The following AP2A2 variants were observed in gnomAD, a reference collection of about 807,000 sequenced individuals.
The protein encoded by AP2A2 is AP-2 complex subunit alpha-2.
In AP2A2, 32 loss-of-function variants were observed where a neutral mutation model predicts 104.2. The observed-to-expected ratio is 0.31, with a 90% CI of 0.23 to 0.41. The LOEUF is 0.41. AP2A2 is among the 10% of genes least tolerant of loss of function. The probability of loss-of-function intolerance (pLI) is 1.00; values close to 1 mark genes in which losing one functional copy is unlikely to be tolerated. For missense variants in AP2A2, 912 were observed against 1,261.0 expected (o/e 0.72, Z 4.19); for synonymous variants, 539 against 533.3 (o/e 1.01, Z -0.15).
At chr11:994,461 C>CGCT (rs1855775190) in intron 14 of AP2A2, among the ~76,000 whole-genome samples, 1 of 149,094 alleles carries the variant, frequency 6.7e-6, no homozygotes, top group Non-Finnish European at 1.5e-5. Context: ...CTGGACGCCA[C>CGCT]GCTGTCCTGT....
Position 1,012,012 on chromosome 11 carries a change from G to A in AP2A2, c.*1387G>A, listed in dbSNP as rs574226805. 32 of 157,108 alleles carry A rather than the reference G, an allele frequency of 2.0e-4. No individual in the cohort carries two copies. The highest frequency in any genetic ancestry group is 3.1e-4 in the Non-Finnish European group (22 of 71,614). 9.7% of individuals were successfully genotyped at this position (157,108 alleles called of 1,614,324 possible). A position where few individuals can be genotyped will look rare whatever the true frequency, so the allele number is the denominator to read the frequency against. On this transcript the variant is annotated 3_prime_UTR_variant, in exon 22 of 22. Coordinates refer to ENST00000448903, the MANE Select transcript of AP2A2 (RefSeq NM_012305.4). ...TGACACGCCGTGCTGGGCTTGTGCTGCAGCTGGGTGGTGTGGCCCTCATTC... is the reference window on the plus strand; with the variant it reads ...TGACACGCCGTGCTGGGCTTGTGCTACAGCTGGGTGGTGTGGCCCTCATTC...
At chr11:945,930 AG>A (rs567630015) in intron 1 of AP2A2, among the ~76,000 whole-genome samples, 8 of 152,158 alleles carry the variant, frequency 5.3e-5, no homozygotes, top group Non-Finnish European at 1.0e-4. Context: ...TGGAGTGGAA[AG>A]GTAGGAGTGA....
In AP2A2 at chr11:1,006,032, C is replaced by T. The variant is rs571074307; in HGVS notation, c.2207-496C>T. Among the ~76,000 whole-genome samples the T allele has an allele frequency of 8.5e-5, 13 of 152,354 alleles. 1 individual carries two copies. In the South Asian group the frequency reaches 1.4e-3, roughly 17 times the overall value. On this transcript the variant is annotated intron_variant, in intron 16 of 21. Transcript: ENST00000448903. ...TGCAGTGAGGGCTAGTGTGCAACACCGATGCTGTGCTGGACGCGTGCCCAG... is the reference window on the plus strand; with the variant it reads ...TGCAGTGAGGGCTAGTGTGCAACACTGATGCTGTGCTGGACGCGTGCCCAG...
chr11:959,411 A>G (rs1375216415), intron 1 of AP2A2, 26 bp from the exon 2 acceptor site: 2 of 1,438,338 alleles, frequency 1.4e-6, no homozygotes, highest in Non-Finnish European at 1.9e-6. Context: ...ATTAAAATAA[A>G]AATGGCTTTT....
In AP2A2 at chr11:972,188, G is replaced by T. The variant is rs763389818; in HGVS notation, c.406G>T (p.Ala136Ser). The part of the protein sequence containing the change: ...TFMGLALHCI[A>S]SVGSREMAEA... Reference sequence around the variant, plus strand: ...CATGGGCCTGGCCCTGCACTGCATCGCCAGCGTGGGCAGCCGGGAGATGGC... The same window carrying T: ...CATGGGCCTGGCCCTGCACTGCATCTCCAGCGTGGGCAGCCGGGAGATGGC... The change falls in exon 4 of 22, where the codon GCC (alanine) becomes TCC (serine). Residue 136 changes from alanine to serine, a missense_variant. Ala to Ser is a moderately conservative substitution (Grantham distance 99, BLOSUM62 1). This residue lies in a region of AP2A2 where 350 missense variants were observed against 487.0 expected (regional missense o/e 0.72). Transcript: ENST00000448903. 222 of 1,612,148 alleles carry T rather than the reference G, an allele frequency of 1.4e-4. No homozygotes were observed. Among genetic ancestry groups the T allele is most frequent in the Non-Finnish European group, 1.8e-4 (213 of 1,179,596 alleles).
rs1296946845 is a variant in AP2A2 at position 1,000,551 on chromosome 11, C to T, written c.2076C>T (p.Ala692=). Residue 692 remains alanine (A), a synonymous_variant, in exon 15 of 22, where the codon GCC becomes GCT. Coordinates refer to ENST00000448903, the MANE Select transcript of AP2A2 (RefSeq NM_012305.4). ...TCGTGGACGTGTTCTCAGACTCGGC[C>T]TCTGTGGTCGCGCCTCTCGCTCCTG... The part of the protein sequence containing the change: ...GLLVDVFSDS[A]SVVAPLAPGS... 6 of 1,550,524 alleles carry T rather than the reference C, an allele frequency of 3.9e-6. No homozygotes were observed. The highest frequency in any genetic ancestry group is 5.2e-6 in the Non-Finnish European group (6 of 1,153,400).
rs570552598 is a variant in AP2A2, at chr11:1,003,560, G to GT, written c.2124-159dup. 24 of 511,454 alleles carry GT rather than the reference G, an allele frequency of 4.7e-5. No individual in the cohort carries two copies. In the Admixed American group the frequency reaches 5.4e-4, roughly 12 times the overall value. The allele number at this position is 511,454 out of a possible 1,614,324, so 31.7% of individuals were successfully genotyped here. ...TGCTCACCGTCCTCCTCCAGTGGCTGTTTGTCAGGATAGTCCTTGGAATAG... is the reference window on the plus strand; with the variant it reads ...TGCTCACCGTCCTCCTCCAGTGGCTGTTTTGTCAGGATAGTCCTTGGAATAG... On this transcript the variant is annotated intron_variant, in intron 15 of 21. Coordinates refer to ENST00000448903, the MANE Select transcript of AP2A2 (RefSeq NM_012305.4).
intron 18 of AP2A2, chr11:1,008,507 C>G (rs537205368): frequency 9.4e-6 from 2 of 212,682 alleles, no homozygotes; most frequent in African/African-American, 2.3e-5. Context: ...GCCCCCTGGC[C>G]TGGGGGGCGC....
chr11:946,338 G>A (rs1853831579), intron 1 of AP2A2: 2 of 152,216 alleles, frequency 1.3e-5, no homozygotes. Context: ...AGCAAGTCCC[G>A]GCTGCAGAGC....
chr11:970,089 C>T (rs1854765816), intron 2 of AP2A2, 80 bp from the exon 3 acceptor site: 2 of 1,509,400 alleles, frequency 1.3e-6, no homozygotes, highest in Middle Eastern at 1.7e-4. Context: ...GCCTGCTGTA[C>T]TGCTGCACTG....
intron 1 of AP2A2, 89 bp from the exon 2 acceptor site, chr11:959,348 C>G: frequency 4.4e-6 from 4 of 899,106 alleles, no homozygotes; most frequent in Non-Finnish European, 3.5e-6. Flanking sequence ...TCATCCCATT[C>G]GTGAGTTCTG....
intron 2 of AP2A2, 88 bp from the exon 3 acceptor site, chr11:970,081 C>T (rs1420424956): frequency 1.4e-6 from 2 of 1,460,022 alleles, no homozygotes; most frequent in South Asian, 2.5e-5. Flanking sequence ...TCCGTGCTGC[C>T]TGCTGTACTG....
At chr11:1,002,279 G>A (rs572333648) in intron 15 of AP2A2, among the ~76,000 whole-genome samples, 5 of 152,340 alleles carry the variant, frequency 3.3e-5, no homozygotes, top group Admixed American at 6.5e-5. Flanking sequence ...GCAGCGACCC[G>A]GGGGTGCGGT....
intron 1 of AP2A2, among the ~76,000 whole-genome samples, chr11:940,177 C>T (rs1853599405): frequency 1.3e-5 from 2 of 151,970 alleles, no homozygotes; most frequent in South Asian, 4.1e-4. Flanking sequence ...TGGTCTTGAA[C>T]TCCTGACCTT....
intron 4 of AP2A2, 61 bp from the exon 5 acceptor site, chr11:977,034 T>C: frequency 1.9e-6 from 3 of 1,603,878 alleles, no homozygotes; most frequent in South Asian, 1.1e-5. Context: ...GGGGGGGTGC[T>C]CCGTGCAGCT....
intron 1 of AP2A2, among the ~76,000 whole-genome samples, chr11:932,020 C>T (rs570412051): frequency 6.6e-5 from 10 of 151,606 alleles, no homozygotes; most frequent in African/African-American, 2.2e-4. Flanking sequence ...AGGATGATCT[C>T]GATCTCCTGA....
intron 1 of AP2A2, among the ~76,000 whole-genome samples, chr11:941,927 T>A (rs990908921): frequency 2.7e-5 from 4 of 150,696 alleles, no homozygotes; most frequent in Non-Finnish European, 4.4e-5. Context: ...ACCTTTTATT[T>A]TTTATCTATT....
chr11:963,687 A>G (rs1287697275), intron 2 of AP2A2, among the ~76,000 whole-genome samples: 5 of 152,188 alleles, frequency 3.3e-5, no homozygotes, highest in Non-Finnish European at 7.3e-5. Flanking sequence ...GCCCAGTGCA[A>G]TCACAGCTCA....
At position 988,452 on chromosome 11, in the gene AP2A2, C is replaced by CA. The variant is rs938470698; in HGVS notation, c.1132-99dup. 4 of 1,447,298 alleles carry CA rather than the reference C, an allele frequency of 2.8e-6. 1 individual carries two copies. In the Admixed American group the frequency reaches 5.3e-5, roughly 19 times the overall value. 89.7% of individuals were successfully genotyped at this position (1,447,298 alleles called of 1,614,324 possible). A position where few individuals can be genotyped will look rare whatever the true frequency, so the allele number is the denominator to read the frequency against. ...CCTGGATGTGCATGTGAGGGAAACT[C>CA]AGAGTGGGTGTTGAGATGCGGGTGC... is the stretch of plus-strand genomic sequence containing the variant. On this transcript the variant is annotated intron_variant, in intron 9 of 21. Coordinates refer to ENST00000448903, the MANE Select transcript of AP2A2 (RefSeq NM_012305.4).
Sources: gnomAD v4.1 joint callset for allele counts (sites outside exome capture counted in the v4.1 genomes callset) on GRCh38, gnomAD v4.1.1 for gene constraint, gnomAD v4.1.1 regional missense constraint, MANE v1.5 for transcripts, NCBI Gene and HGNC (gene_info 2026-07-23, HGNC 2026-07-21) for gene names.